IL7: variants seen among roughly 807,000 people sequenced by gnomAD.
IL7 encodes interleukin-7.
Under a neutral mutation model 21.6 loss-of-function variants are expected in IL7, and 3 were observed. The ratio of observed to expected loss-of-function variants is 0.14; its 90% CI spans 0.06 to 0.36. The LOEUF is 0.36. Ranked by LOEUF, IL7 falls within the 10% of genes least tolerant of loss-of-function variation. The probability of loss-of-function intolerance (pLI) is 1.00; values close to 1 mark genes in which losing one functional copy is unlikely to be tolerated. For missense variants in IL7, 175 were observed against 200.2 expected, an observed-to-expected ratio of 0.87 and a Z score of 0.76; for synonymous variants, 62 against 68.1, an observed-to-expected ratio of 0.91 and a Z score of 0.44.
intron 2 of IL7, among the ~76,000 whole-genome samples, chr8:78,754,236 C>T (rs1049912344): frequency 1.3e-5 from 2 of 152,144 alleles, no homozygotes; most frequent in African/African-American, 4.8e-5. Flanking sequence ...AAATCACAAG[C>T]ATCCCTATAA....
Position 78,733,527 on chromosome 8 carries a change from A to G in IL7, c.*186T>C, listed in dbSNP as rs188091954. ...AAATAGTTTGTTGACTGGAGCATTC[A>G]GTTTCCATTGTTTGTATTCATCTTC... is the stretch of plus-strand genomic sequence containing the variant. On this transcript the variant is annotated 3_prime_UTR_variant, in exon 6 of 6. Coordinates refer to ENST00000263851, the MANE Select transcript of IL7 (RefSeq NM_000880.4). The G allele has an allele frequency of 8.8e-4, 451 of 510,946 alleles. 2 individuals are homozygous for G. The highest frequency in any genetic ancestry group is 8.1e-3 in the African/African-American group (402 of 49,442). The allele number at this position is 510,946 out of a possible 1,614,324, so 31.7% of individuals were successfully genotyped here. A position where few individuals can be genotyped will look rare whatever the true frequency, so the allele number is the denominator to read the frequency against.
At chr8:78,796,866 C>T (rs1211647813) in intron 2 of IL7, among the ~76,000 whole-genome samples, 2 of 151,944 alleles carry the variant, frequency 1.3e-5, no homozygotes, top group African/African-American at 2.4e-5. Context: ...GAGCTAAACA[C>T]AGTCTTACCA....
chr8:78,761,884 T>G, intron 2 of IL7: 1 of 1,611,426 alleles, frequency 6.2e-7, no homozygotes, highest in Non-Finnish European at 8.5e-7. Flanking sequence ...CGTCCAGAGG[T>G]ATGTTTTGCC....
intron 2 of IL7, among the ~76,000 whole-genome samples, chr8:78,745,838 C>G (rs939159357): frequency 7.2e-5 from 11 of 152,056 alleles, no homozygotes; most frequent in Non-Finnish European, 4.4e-5. Context: ...GGAGAGCATG[C>G]ATTGTTTGCC....
intron 3 of IL7, chr8:78,723,941 G>T: frequency 5.2e-6 from 1 of 191,098 alleles, no homozygotes; most frequent in South Asian, 1.3e-4. Context: ...TTTGGTTAAT[G>T]AAAATGCTGC....
chr8:78,782,415 C>CTGT (rs1217012410), intron 2 of IL7, among the ~76,000 whole-genome samples: 1 of 152,030 alleles, frequency 6.6e-6, no homozygotes, highest in African/African-American at 2.4e-5. Flanking sequence ...TTTGTTGATG[C>CTGT]TGTTGTTGTT....
intron 3 of IL7, among the ~76,000 whole-genome samples, chr8:78,702,697 T>C (rs934450954): frequency 6.6e-6 from 1 of 152,174 alleles, no homozygotes; most frequent in East Asian, 1.9e-4. Flanking sequence ...TCCCGATTTC[T>C]GCGTTAATTT....
chr8:78,745,359 C>G (rs531729409), intron 2 of IL7, among the ~76,000 whole-genome samples: 2 of 152,272 alleles, frequency 1.3e-5, no homozygotes, highest in African/African-American at 4.8e-5. Flanking sequence ...GTGGTTTTTA[C>G]CCATCCTGTC....
intron 2 of IL7, chr8:78,747,187 G>GTTTT: frequency 4.0e-6 from 1 of 249,406 alleles, no homozygotes; most frequent in African/African-American, 3.3e-5. Flanking sequence ...ATACTTCATT[G>GTTTT]CTTTTTTTTT....
At chr8:78,689,371 G>T (rs574401853) in intron 3 of IL7, 3 of 1,577,230 alleles carry the variant, frequency 1.9e-6, no homozygotes. Flanking sequence ...TCGGACACAG[G>T]TGGTAAGTTC....
chr8:78,728,245 C>T (rs765993639), downstream of IL7, among the ~76,000 whole-genome samples: 2 of 151,874 alleles, frequency 1.3e-5, no homozygotes, highest in Non-Finnish European at 2.9e-5. Flanking sequence ...GTTGATATTC[C>T]AACAAGCTTT....
intron 3 of IL7, among the ~76,000 whole-genome samples, chr8:78,727,698 A>ATATG (rs1337301398): frequency 2.0e-5 from 3 of 152,030 alleles, no homozygotes; most frequent in Non-Finnish European, 4.4e-5. Flanking sequence ...CACAAATTCA[A>ATATG]TATGTCTATT....
At position 78,733,549 on chromosome 8, in the gene IL7, C is replaced by A; in HGVS notation, c.*164G>T. ...TTCAGTTTCCATTGTTTGTATTCAT[C>A]TTCTAGTAATACAATATGCATTTCT... On this transcript the variant is annotated 3_prime_UTR_variant, in exon 6 of 6. Coordinates refer to ENST00000263851, the MANE Select transcript of IL7 (RefSeq NM_000880.4). 1.7e-6 allele frequency: 1 copy of A among 594,132 alleles called. No homozygotes were observed. Among genetic ancestry groups the A allele is most frequent in the Non-Finnish European group, 2.8e-6 (1 of 351,522 alleles). 36.8% of individuals were successfully genotyped at this position (594,132 alleles called of 1,614,324 possible). A position where few individuals can be genotyped will look rare whatever the true frequency, so the allele number is the denominator to read the frequency against.
chr8:78,715,944 G>A (rs1256987372), downstream of IL7, among the ~76,000 whole-genome samples: 1 of 150,238 alleles, frequency 6.7e-6, no homozygotes, highest in East Asian at 2.0e-4. Flanking sequence ...GGAGGCCGAG[G>A]CAGGAGAATT....
At chr8:78,724,928 A>G (rs904244032) in intron 3 of IL7, among the ~76,000 whole-genome samples, 2 of 152,056 alleles carry the variant, frequency 1.3e-5, no homozygotes, top group African/African-American at 2.4e-5. Context: ...ATTGGACAAT[A>G]TAAAACACTG....
chr8:78,776,628 A>G (rs1225463371), intron 2 of IL7, among the ~76,000 whole-genome samples: 1 of 152,104 alleles, frequency 6.6e-6, no homozygotes, highest in African/African-American at 2.4e-5. Flanking sequence ...GCATTGTTGC[A>G]GACATTATTT....
chr8:78,744,766 C>G (rs982139044), intron 2 of IL7, among the ~76,000 whole-genome samples: 3 of 152,194 alleles, frequency 2.0e-5, no homozygotes, highest in Admixed American at 6.5e-5. Flanking sequence ...TCTGCCAAGA[C>G]TCCCGTATCT....
chr8:78,775,101 C>T (rs1813089268), intron 2 of IL7, among the ~76,000 whole-genome samples: 1 of 151,930 alleles, frequency 6.6e-6, no homozygotes, highest in South Asian at 2.1e-4. Context: ...CATGAGTTGC[C>T]TTTTCCAGCT....
At chr8:78,769,186 C>A (rs1812866597) in intron 2 of IL7, among the ~76,000 whole-genome samples, 1 of 151,382 alleles carries the variant, frequency 6.6e-6, no homozygotes, top group Non-Finnish European at 1.5e-5. Context: ...CTGGCCAGGG[C>A]AATTAGGCAG....
Sources: allele counts gnomAD v4.1 joint callset (sites outside exome capture counted in the v4.1 genomes callset), GRCh38; gene constraint gnomAD v4.1.1; transcripts MANE v1.5; gene names NCBI Gene and HGNC (gene_info 2026-07-23, HGNC 2026-07-21).